The following PPP1CB variants were observed in gnomAD, a reference collection of about 807,000 sequenced individuals.
PPP1CB encodes serine/threonine-protein phosphatase PP1-beta catalytic subunit.
A neutral mutation model predicts 43.7 loss-of-function variants in PPP1CB; 2 were observed. The observed-to-expected ratio is 0.05, with a 90% CI of 0.02 to 0.14. The LOEUF is 0.14. Ranked by LOEUF, PPP1CB falls within the 10% of genes least tolerant of loss-of-function variation. PPP1CB has a pLI of 1.00. For synonymous variants in PPP1CB, 136 were observed against 135.6 expected, an observed-to-expected ratio of 1.00 and a Z score of -0.02; for missense variants, 84 against 398.0, an observed-to-expected ratio of 0.21 and a Z score of 6.71.
intron 6 of PPP1CB, among the ~76,000 whole-genome samples, chr2:28,789,220 T>G (rs1667336042): frequency 6.6e-6 from 1 of 151,986 alleles, no homozygotes; most frequent in African/African-American, 2.4e-5. Context: ...TTAGAAATAT[T>G]TTGGGGCTGG....
intron 6 of PPP1CB, among the ~76,000 whole-genome samples, chr2:28,790,106 ACT>A (rs1290227862): frequency 2.6e-5 from 4 of 151,678 alleles, no homozygotes; most frequent in African/African-American, 4.8e-5. Context: ...ACATGACAAA[ACT>A]CTGTCTCCAC....
At chr2:28,756,459 A>G (rs1177589735) in intron 1 of PPP1CB, among the ~76,000 whole-genome samples, 1 of 152,146 alleles carries the variant, frequency 6.6e-6, no homozygotes, top group African/African-American at 2.4e-5. Context: ...TTCTTGTGAA[A>G]CAGGTATAGT....
Position 28,751,898 on chromosome 2 carries a change from C to T in PPP1CB, c.-227C>T, listed in dbSNP as rs1666290620. The T allele has an allele frequency of 1.7e-6, 1 of 603,756 alleles. No individual in the cohort carries two copies. Among genetic ancestry groups the T allele is most frequent in the African/African-American group, 1.9e-5 (1 of 52,446 alleles). 37.4% of individuals were successfully genotyped at this position (603,756 alleles called of 1,614,324 possible). On this transcript the variant is annotated 5_prime_UTR_variant, in exon 1 of 8. Transcript: ENST00000395366. ...TCTGACGCGGCCCTGTTCGAGGGGG[C>T]CTCTCTTGTTTATTTATTTATTTTC...
chr2:28,758,689 C>T (rs1461634622), intron 1 of PPP1CB, among the ~76,000 whole-genome samples: 2 of 152,184 alleles, frequency 1.3e-5, no homozygotes, highest in African/African-American at 4.8e-5. Flanking sequence ...GGCAGTTGTC[C>T]TTTATTCTGC....
chr2:28,785,381 T>C (rs772212423), intron 5 of PPP1CB, among the ~76,000 whole-genome samples: 1 of 152,092 alleles, frequency 6.6e-6, no homozygotes, highest in Admixed American at 6.5e-5. Flanking sequence ...GCCTGTGTTA[T>C]GAGCTTTTTT....
chr2:28,785,391 T>C (rs2148054522), intron 5 of PPP1CB, among the ~76,000 whole-genome samples: 1 of 152,224 alleles, frequency 6.6e-6, no homozygotes, highest in Middle Eastern at 3.4e-3. Context: ...TGAGCTTTTT[T>C]ACATAACACG....
chr2:28,798,948 CA>C lies in PPP1CB; in HGVS notation c.880-246del, dbSNP rs5830090. 0.55 allele frequency among the ~76,000 whole-genome samples: 83,294 copies of C among 151,704 alleles called. 23,315 individuals are homozygous for C. The highest frequency in any genetic ancestry group is 0.62 in the Middle Eastern group (183 of 294). On this transcript the variant is annotated intron_variant, in intron 7 of 7. Coordinates refer to ENST00000395366, the MANE Select transcript of PPP1CB (RefSeq NM_002709.3). Reference sequence around the variant, plus strand: ...CCTCACAACAGAGATACACTAAGTTCAAAAAGTTTTTTACTTAAATCTAAGG... The same window carrying C: ...CCTCACAACAGAGATACACTAAGTTCAAAAGTTTTTTACTTAAATCTAAGG...
chr2:28,763,754 G>C, intron 1 of PPP1CB, among the ~76,000 whole-genome samples: 1 of 152,222 alleles, frequency 6.6e-6, no homozygotes, highest in South Asian at 2.1e-4. Flanking sequence ...ACCCAGGCTG[G>C]AGTGCAGTGG....
At chr2:28,765,140 A>T (rs1558299228) in intron 1 of PPP1CB, among the ~76,000 whole-genome samples, 3 of 152,150 alleles carry the variant, frequency 2.0e-5, no homozygotes, top group Non-Finnish European at 4.4e-5. Flanking sequence ...GCAATGGAAA[A>T]GTTTTTACAC....
In PPP1CB at chr2:28,781,723, C is replaced by T; in HGVS notation, c.416-15C>T. 1.3e-6 allele frequency: 2 copies of T among 1,540,800 alleles called. No individual in the cohort carries two copies. The highest frequency in any genetic ancestry group is 1.8e-6 in the Non-Finnish European group (2 of 1,123,176). On this transcript the variant is annotated splice_polypyrimidine_tract_variant and intron_variant, in intron 3 of 7. Coordinates refer to ENST00000395366, the MANE Select transcript of PPP1CB (RefSeq NM_002709.3). The stretch of plus-strand genomic sequence containing the variant: ...TTTTAGATTTTTTAATTTATTCTAT[C>T]TGTTCTTTTTACAGGCAAACGAAGA...
At chr2:28,782,035 TTAAA>T in intron 4 of PPP1CB, 193 bp downstream of exon 4, 1 of 625,456 alleles carries the variant, frequency 1.6e-6, no homozygotes, top group Non-Finnish European at 2.8e-6. Flanking sequence ...TAATGCTTCT[TTAAA>T]TACAGTTTCA....
In PPP1CB at chr2:28,794,011, A is replaced by C; in HGVS notation, c.879+14A>C. The C allele has an allele frequency of 6.3e-7, 1 of 1,583,122 alleles. No homozygotes were observed. The highest frequency in any genetic ancestry group is 1.7e-4 in the Middle Eastern group (1 of 5,938). On this transcript the variant is annotated intron_variant, in intron 7 of 7. Coordinates refer to ENST00000395366, the MANE Select transcript of PPP1CB (RefSeq NM_002709.3). ...TGTTCATTTCAGGTATGATGTAAAC[A>C]TAAATATATAAGAACTAGAAATCTA... is the stretch of plus-strand genomic sequence containing the variant.
intron 1 of PPP1CB, among the ~76,000 whole-genome samples, chr2:28,766,649 A>G (rs186840026): frequency 1.6e-4 from 25 of 152,346 alleles, no homozygotes; most frequent in South Asian, 6.2e-4. Context: ...AATAACAAGT[A>G]TTGGTAATAC....
intron 3 of PPP1CB, among the ~76,000 whole-genome samples, chr2:28,780,967 C>T (rs1667148362): frequency 6.6e-6 from 1 of 152,148 alleles, no homozygotes; most frequent in Non-Finnish European, 1.5e-5. Flanking sequence ...TAAGTTTATA[C>T]TGTGTTAATC....
rs1667584053 is a variant in PPP1CB, at chr2:28,800,226, C to CTTTTTTTTTTTTTTTTTTTTTTTGTTTTT, written c.*947_*948insTTTTTTTTTTTTTTTTTTTTTTTTTTTTG. On this transcript the variant is annotated 3_prime_UTR_variant, in exon 8 of 8. Transcript: ENST00000395366. ...TTGGTTTTCTTTTTCTTTTTTCTTT[C>CTTTTTTTTTTTTTTTTTTTTTTTGTTTTT]TTTTTTTTTTTTTTTTTTTTTTTGA... 1.5e-5 allele frequency: 1 copy of CTTTTTTTTTTTTTTTTTTTTTTTGTTTTT among 65,628 alleles called. No homozygotes were observed. Among genetic ancestry groups the CTTTTTTTTTTTTTTTTTTTTTTTGTTTTT allele is most frequent in the Non-Finnish European group, 2.7e-5 (1 of 36,888 alleles). 4.1% of individuals were successfully genotyped at this position (65,628 alleles called of 1,614,324 possible). A position where few individuals can be genotyped will look rare whatever the true frequency, so the allele number is the denominator to read the frequency against.
chr2:28,756,161 C>T (rs1426342309), intron 1 of PPP1CB, among the ~76,000 whole-genome samples: 1 of 152,100 alleles, frequency 6.6e-6, no homozygotes. Context: ...TACCGAAAAG[C>T]GATTTGCTGT....
At chr2:28,784,376 A>G (rs1341496791) in intron 5 of PPP1CB, among the ~76,000 whole-genome samples, 2 of 152,110 alleles carry the variant, frequency 1.3e-5, no homozygotes, top group Non-Finnish European at 2.9e-5. Flanking sequence ...CTTCTTTTCA[A>G]ATGTCTAGTA....
chr2:28,794,627 G>T (rs997440698), intron 7 of PPP1CB, among the ~76,000 whole-genome samples: 2 of 151,966 alleles, frequency 1.3e-5, no homozygotes, highest in Non-Finnish European at 2.9e-5. Flanking sequence ...GGAGGCAGAG[G>T]TTGCAGTGAG....
chr2:28,771,298 A>G (rs10180266), intron 1 of PPP1CB, among the ~76,000 whole-genome samples: 102,804 of 151,804 alleles, frequency 0.68, 35,028 homozygotes, highest in South Asian at 0.76. Flanking sequence ...TGATCCACCC[A>G]CCTCGGCCTC....
Sources: allele counts gnomAD v4.1 joint callset (sites outside exome capture counted in the v4.1 genomes callset), GRCh38; gene constraint gnomAD v4.1.1; transcripts MANE v1.5; gene names NCBI Gene and HGNC (gene_info 2026-07-23, HGNC 2026-07-21).